The following PAPPA2 variants were observed in gnomAD, a reference collection of about 807,000 sequenced individuals.
PAPPA2 encodes the protein pappalysin-2.
In PAPPA2, 86 loss-of-function variants were observed where a neutral mutation model predicts 176.4. The observed-to-expected ratio is 0.49, with a 90% confidence interval of 0.41 to 0.58. The LOEUF is 0.58. PAPPA2 is among the 20% of genes least tolerant of loss of function. PAPPA2 has a pLI of 0.00. For synonymous variants in PAPPA2, 809 were observed against 852.2 expected (o/e 0.95, Z 0.88); for missense variants, 2,073 against 2,256.9 (o/e 0.92, Z 1.65).
chr1:176,631,187 A>G (rs939653217), intron 3 of PAPPA2, among the ~76,000 whole-genome samples: 2 of 152,240 alleles, frequency 1.3e-5, no homozygotes, highest in African/African-American at 4.8e-5. Flanking sequence ...CAGTTTATCT[A>G]TACAGTGAAA....
intron 12 of PAPPA2, among the ~76,000 whole-genome samples, chr1:176,726,828 G>A (rs1487342608): frequency 6.6e-6 from 1 of 152,174 alleles, no homozygotes; most frequent in African/African-American, 2.4e-5. Flanking sequence ...CACCATCTGT[G>A]AGCGAGAATG....
intron 3 of PAPPA2, among the ~76,000 whole-genome samples, chr1:176,623,614 C>CTTTCTTTCTTTCTTT (rs1558479036): frequency 5.7e-5 from 5 of 88,312 alleles, no homozygotes; most frequent in South Asian, 4.7e-4. Context: ...TTCCTTCCTT[C>CTTTCTTTCTTTCTTT]CTTCCTTCCT....
intron 21 of PAPPA2, among the ~76,000 whole-genome samples, chr1:176,825,943 G>A (rs1666846925): frequency 6.6e-6 from 1 of 152,128 alleles, no homozygotes; most frequent in African/African-American, 2.4e-5. Flanking sequence ...AAGACAACTG[G>A]GGATTGTTCA....
intron 1 of PAPPA2, among the ~76,000 whole-genome samples, chr1:176,479,306 T>C (rs1652278692): frequency 6.6e-6 from 1 of 152,136 alleles, no homozygotes; most frequent in Non-Finnish European, 1.5e-5. Flanking sequence ...TGGCTTGTTG[T>C]TCTTCTTGTG....
intron 1 of PAPPA2, among the ~76,000 whole-genome samples, chr1:176,535,906 C>G (rs1259032237): frequency 6.6e-6 from 1 of 152,288 alleles, no homozygotes; most frequent in East Asian, 1.9e-4. Flanking sequence ...GCAGGAAGCC[C>G]CAGGACATGT....
At chr1:176,829,188 GTC>G (rs1308224367) in intron 21 of PAPPA2, among the ~76,000 whole-genome samples, 1 of 151,964 alleles carries the variant, frequency 6.6e-6, no homozygotes. Context: ...CACCTTAGCA[GTC>G]TCTGCTTAAT....
chr1:176,480,625 CT>C (rs1234389668), intron 1 of PAPPA2, among the ~76,000 whole-genome samples: 1 of 151,902 alleles, frequency 6.6e-6, no homozygotes, highest in Admixed American at 6.6e-5. Flanking sequence ...AAGGTCTGCC[CT>C]TACAGATGCT....
At chr1:176,606,889 G>A (rs539888147) in intron 3 of PAPPA2, among the ~76,000 whole-genome samples, 1 of 152,286 alleles carries the variant, frequency 6.6e-6, no homozygotes, top group Admixed American at 6.5e-5. Flanking sequence ...AGCTTGAAAG[G>A]AGGAAAATTT....
At chr1:176,796,671 TTC>T (rs1354313886) in intron 20 of PAPPA2, among the ~76,000 whole-genome samples, 15 of 151,498 alleles carry the variant, frequency 9.9e-5, no homozygotes, top group African/African-American at 3.4e-4. Flanking sequence ...TCTTCTTTCT[TTC>T]TCTTTTTCTT....
chr1:176,595,937 G>A (rs1051288668), intron 3 of PAPPA2, among the ~76,000 whole-genome samples: 4 of 152,180 alleles, frequency 2.6e-5, no homozygotes, highest in Non-Finnish European at 4.4e-5. Context: ...AATCTTCATG[G>A]AGAACAAACA....
At chr1:176,616,492 T>TA (rs1252582257) in intron 3 of PAPPA2, 2 of 861,854 alleles carry the variant, frequency 2.3e-6, no homozygotes, top group Non-Finnish European at 3.7e-6. Flanking sequence ...TTAACAGCAA[T>TA]ATAACAACCA....
intron 8 of PAPPA2, among the ~76,000 whole-genome samples, chr1:176,701,145 A>C (rs1167765668): frequency 6.6e-6 from 1 of 152,160 alleles, no homozygotes; most frequent in Admixed American, 6.5e-5. Flanking sequence ...ATTTGGTTCA[A>C]TAGCTAGTAA....
intron 1 of PAPPA2, among the ~76,000 whole-genome samples, chr1:176,513,438 CCTT>C (rs1322642238): frequency 6.6e-6 from 1 of 152,080 alleles, no homozygotes; most frequent in African/African-American, 2.4e-5. Flanking sequence ...GTCTACCTCT[CCTT>C]CTCTTTTGCC....
intron 21 of PAPPA2, among the ~76,000 whole-genome samples, chr1:176,826,541 T>G (rs1334165916): frequency 2.6e-5 from 4 of 152,164 alleles, no homozygotes; most frequent in Non-Finnish European, 5.9e-5. Flanking sequence ...GAACAGCTGG[T>G]CCAACAAATC....
chr1:176,747,961 C>T (rs1436524956), intron 14 of PAPPA2, among the ~76,000 whole-genome samples: 1 of 152,188 alleles, frequency 6.6e-6, no homozygotes. Context: ...GGGAAGCTCA[C>T]CTATGGTAGC....
intron 1 of PAPPA2, among the ~76,000 whole-genome samples, chr1:176,520,985 T>G (rs566401869): frequency 9.7e-4 from 147 of 152,114 alleles, no homozygotes; most frequent in African/African-American, 3.3e-3. Context: ...GAAATAGACC[T>G]AGTGGTTCTC....
At chr1:176,511,265 G>A (rs1648583903) in intron 1 of PAPPA2, among the ~76,000 whole-genome samples, 1 of 152,024 alleles carries the variant, frequency 6.6e-6, no homozygotes, top group Non-Finnish European at 1.5e-5. Context: ...TTCAGAACAA[G>A]GTATATTGCC....
chr1:176,672,067 T>C (rs1262167470), intron 4 of PAPPA2, among the ~76,000 whole-genome samples: 2 of 149,744 alleles, frequency 1.3e-5, no homozygotes, highest in African/African-American at 2.5e-5. Context: ...ATAATAATAA[T>C]AAAATAAAAA....
At chr1:176,574,640 A>ACTCTCTGG (rs1426411196) in intron 2 of PAPPA2, among the ~76,000 whole-genome samples, 27 of 152,220 alleles carry the variant, frequency 1.8e-4, no homozygotes, top group African/African-American at 6.3e-4. Flanking sequence ...GCTATTGGCT[A>ACTCTCTGG]CTCTCTGGAA....
Sources: allele counts gnomAD v4.1 joint callset (sites outside exome capture counted in the v4.1 genomes callset), GRCh38; gene constraint gnomAD v4.1.1; transcripts MANE v1.5; gene names NCBI Gene and HGNC (gene_info 2026-07-23, HGNC 2026-07-21).